The following F3 variants were observed in gnomAD, a reference collection of about 807,000 sequenced individuals.
F3 encodes tissue factor.
In F3, 18 loss-of-function variants were observed where a neutral mutation model predicts 33.5. That is an observed-to-expected ratio of 0.54 (90% CI 0.37 to 0.80). F3 has a LOEUF of 0.80. Among genes scored for constraint, F3 ranks in the 30% least tolerant of loss-of-function variants. The probability of loss-of-function intolerance (pLI) is 0.00; values close to 1 mark genes in which losing one functional copy is unlikely to be tolerated. For synonymous variants in F3, 147 were observed against 140.7 expected, an observed-to-expected ratio of 1.05 and a Z score of -0.32; for missense variants, 353 against 362.1, an observed-to-expected ratio of 0.97 and a Z score of 0.20.
At chr1:94,540,230 A>T in intron 2 of F3, 27 bp downstream of exon 2, 1 of 1,438,570 alleles carries the variant, frequency 7.0e-7, no homozygotes. Flanking sequence ...CAAAGACCTT[A>T]ATTTTCTTTT....
chr1:94,541,428 GA>G, intron 1 of F3, 108 bp downstream of exon 1: 1 of 855,194 alleles, frequency 1.2e-6, no homozygotes. Flanking sequence ...AGGCGCGGGG[GA>G]CAACATGGGC....
At position 94,529,536 on chromosome 1, in the gene F3, T is replaced by G. The variant is rs191529173; in HGVS notation, c.*924A>C. 2 of 152,746 alleles carry G rather than the reference T, an allele frequency of 1.3e-5. No individual in the cohort carries two copies. Among genetic ancestry groups the G allele is most frequent in the African/African-American group, 4.8e-5 (2 of 41,572 alleles). The allele number at this position is 152,746 out of a possible 1,614,324, so 9.5% of individuals were successfully genotyped here. On this transcript the variant is annotated 3_prime_UTR_variant, in exon 6 of 6. Transcript: ENST00000334047. ...AAAAATATAGTTAGCTCTCAAATGTTTAATGCCACTTAAGTCAGTTAAAGT... is the reference window on the plus strand; with the variant it reads ...AAAAATATAGTTAGCTCTCAAATGTGTAATGCCACTTAAGTCAGTTAAAGT...
At chr1:94,538,693 A>C (rs1295644388) in intron 2 of F3, among the ~76,000 whole-genome samples, 2 of 152,184 alleles carry the variant, frequency 1.3e-5, no homozygotes, top group African/African-American at 2.4e-5. Context: ...CACTTCTCAG[A>C]GCAACAGTTT....
chr1:94,533,378 C>T, intron 3 of F3, 110 bp from the exon 4 acceptor site: 1 of 1,312,070 alleles, frequency 7.6e-7, no homozygotes, highest in Admixed American at 2.4e-5. Flanking sequence ...AAAACATGTG[C>T]ATAGAACCAG....
chr1:94,530,674 C>T, intron 5 of F3, 78 bp from the exon 6 acceptor site: 15 of 1,520,680 alleles, frequency 9.9e-6, no homozygotes, highest in Non-Finnish European at 1.4e-5. Context: ...CGGCATAACC[C>T]CAAATTACAC....
In F3 at chr1:94,535,977, G is replaced by T; in HGVS notation, c.400C>A (p.Pro134Thr). Residue 134 changes from proline to threonine, a missense_variant, in exon 3 of 6, where the codon CCT (proline) becomes ACT (threonine). By Grantham distance (38) the Pro-to-Thr change is conservative (BLOSUM62 -1). Transcript: ENST00000334047. ...CCAAGCCACTTACTCTCCAGGTAAG[G>T]TGTGAACTCTGGGGAGTTCTCATAC... ...PLYENSPEFT[P>T]YLETNLGQPT... 6.2e-7 allele frequency: 1 copy of T among 1,614,104 alleles called. No individual in the cohort carries two copies. Among genetic ancestry groups the T allele is most frequent in the Non-Finnish European group, 8.5e-7 (1 of 1,179,950 alleles).
chr1:94,540,987 G>GA (rs1439542865), intron 1 of F3: 1 of 152,936 alleles, frequency 6.5e-6, no homozygotes, highest in Non-Finnish European at 1.5e-5. Context: ...ACACCTCGTA[G>GA]AAATACGGGG....
At chr1:94,539,904 A>G (rs1260581603) in intron 2 of F3, among the ~76,000 whole-genome samples, 1 of 152,232 alleles carries the variant, frequency 6.6e-6, no homozygotes, top group Non-Finnish European at 1.5e-5. Context: ...TCTAGACAGC[A>G]ACAGAAAAAG....
chr1:94,533,879 C>CT (rs1180717944), intron 3 of F3, among the ~76,000 whole-genome samples: 1 of 147,394 alleles, frequency 6.8e-6, no homozygotes, highest in African/African-American at 2.5e-5. Flanking sequence ...CTTTCCCTTT[C>CT]TTTTTTAGAC....
rs1006332471 is a variant in F3, at chr1:94,535,908, G to A, written c.412+57C>T. On this transcript the variant is annotated intron_variant, in intron 3 of 5. Transcript: ENST00000334047. ...GTAGCCCCTAAAGGCACAAGATCAC[G>A]AGAATGTTCAGACGTTTCTAACAAG... 46 of 1,512,480 alleles carry A rather than the reference G, an allele frequency of 3.0e-5. No individual in the cohort carries two copies. The African/African-American group carries it at 6.1e-4, about 20-fold the overall frequency. 93.7% of individuals were successfully genotyped at this position (1,512,480 alleles called of 1,614,324 possible). A position where few individuals can be genotyped will look rare whatever the true frequency, so the allele number is the denominator to read the frequency against.
intron 4 of F3, 152 bp from the exon 5 acceptor site, chr1:94,532,632 G>C: frequency 1.2e-6 from 1 of 833,882 alleles, no homozygotes; most frequent in East Asian, 2.6e-5. Context: ...TCGCTAATCA[G>C]TTTCCCTTGA....
At position 94,532,489 on chromosome 1, in the gene F3, AG is replaced by A; in HGVS notation, c.592-10del. 6.2e-7 allele frequency: 1 copy of A among 1,613,734 alleles called. No homozygotes were observed. Among genetic ancestry groups the A allele is most frequent in the Non-Finnish European group, 8.5e-7 (1 of 1,179,848 alleles). On this transcript the variant is annotated splice_polypyrimidine_tract_variant and intron_variant, in intron 4 of 5. Coordinates refer to ENST00000334047, the MANE Select transcript of F3 (RefSeq NM_001993.5). ...TTTGTTTTGGCTGTTTTCTGTAAAA[AG>A]ATAGAGTTCTTAATTCATCTGGGCT...
At position 94,540,433 on chromosome 1, in the gene F3, T is replaced by C. The variant is rs369064027; in HGVS notation, c.101-65A>G. The C allele has an allele frequency of 1.2e-3, 1,276 of 1,023,744 alleles. 12 individuals are homozygous for C. The highest frequency in any genetic ancestry group is 7.9e-3 in the South Asian group (556 of 70,338). The allele number at this position is 1,023,744 out of a possible 1,614,324, so 63.4% of individuals were successfully genotyped here. On this transcript the variant is annotated intron_variant, in intron 1 of 5. Transcript: ENST00000334047. ...CAGAGCACTCGAATGTATTGATGTA[T>C]AAAACACCTTCCCACCTGACATCAC...
At chr1:94,534,799 T>G (rs2101090889) in intron 3 of F3, among the ~76,000 whole-genome samples, 1 of 152,230 alleles carries the variant, frequency 6.6e-6, no homozygotes, top group East Asian at 1.9e-4. Context: ...TAAAATATCT[T>G]CTATCTTGCA....
In F3 at chr1:94,530,613, A is replaced by G. The variant is rs549655786; in HGVS notation, c.752-17T>C. The G allele has an allele frequency of 1.9e-5, 30 of 1,613,238 alleles. No homozygotes were observed. Among genetic ancestry groups the G allele is most frequent in the Non-Finnish European group, 2.5e-5 (29 of 1,179,958 alleles). ...AGAATATTTCTGAAAAATAAAGGGC[A>G]TCTAGTCAACTTGGAGAGCTCAAAT... is the stretch of plus-strand genomic sequence containing the variant. On this transcript the variant is annotated splice_polypyrimidine_tract_variant and intron_variant, in intron 5 of 5. Coordinates refer to ENST00000334047, the MANE Select transcript of F3 (RefSeq NM_001993.5).
chr1:94,540,160 A>G (rs920177609), intron 2 of F3, 97 bp downstream of exon 2: 3 of 819,548 alleles, frequency 3.7e-6, no homozygotes, highest in Non-Finnish European at 6.1e-6. Flanking sequence ...TCTGTTAAAT[A>G]ATTTCATCCA....
chr1:94,531,778 G>A (rs530502965), intron 5 of F3, among the ~76,000 whole-genome samples: 2 of 152,238 alleles, frequency 1.3e-5, no homozygotes, highest in East Asian at 1.9e-4. Flanking sequence ...CCCAACATAT[G>A]CACATGCATG....
chr1:94,541,389 C>A, intron 1 of F3, 148 bp downstream of exon 1: 1 of 592,504 alleles, frequency 1.7e-6, no homozygotes, highest in Non-Finnish European at 2.6e-6. Flanking sequence ...TCATTCAAGC[C>A]GGGCTGGGTG....
At chr1:94,538,555 C>T (rs750170380) in intron 2 of F3, among the ~76,000 whole-genome samples, 41 of 152,216 alleles carry the variant, frequency 2.7e-4, no homozygotes, top group African/African-American at 9.2e-4. Flanking sequence ...TTCTTCCTCC[C>T]GCTTTGGAGC....
Sources: allele counts gnomAD v4.1 joint callset (sites outside exome capture counted in the v4.1 genomes callset), GRCh38; gene constraint gnomAD v4.1.1; transcripts MANE v1.5; gene names NCBI Gene and HGNC (gene_info 2026-07-23, HGNC 2026-07-21).